Variants in QSOX1 observed in about 807,000 individuals in gnomAD.
QSOX1 encodes the protein sulfhydryl oxidase 1.
A neutral mutation model predicts 76.1 loss-of-function variants in QSOX1; 40 were observed. The observed-to-expected ratio is 0.53, with a 90% confidence interval of 0.41 to 0.68. The LOEUF (loss-of-function observed/expected upper bound fraction) is 0.68. QSOX1 is among the 30% of genes least tolerant of loss of function. The pLI is 0.00. For synonymous variants in QSOX1, 392 were observed against 413.1 expected, an observed-to-expected ratio of 0.95 and a Z score of 0.62; for missense variants, 931 against 974.3, an observed-to-expected ratio of 0.96 and a Z score of 0.59.
chr1:180,193,514 G>A (rs898608447), intron 10 of QSOX1, among the ~76,000 whole-genome samples: 6 of 152,048 alleles, frequency 3.9e-5, no homozygotes, highest in East Asian at 1.9e-4. Context: ...GGAGGTTTGC[G>A]GTAGGAAGGA....
rs1663281574 is a variant in QSOX1 at position 180,190,504 on chromosome 1, C to T, written c.1212C>T (p.Pro404=). ...GTGAGCCGCATTTCCGGGGCTTTCC[C>T]TGCTCCCTGTGGGTCCTCTTCCACT... is the stretch of plus-strand genomic sequence containing the variant. ...QGSEPHFRGF[P]CSLWVLFHFL... The change falls in exon 10 of 12, where the codon CCC becomes CCT. Residue 404 remains proline, a synonymous_variant. Transcript: ENST00000367602. 6.2e-7 allele frequency: 1 copy of T among 1,614,186 alleles called. No homozygotes were observed. Among genetic ancestry groups the T allele is most frequent in the Non-Finnish European group, 8.5e-7 (1 of 1,180,012 alleles).
chr1:180,167,712 G>A (rs562325832), intron 2 of QSOX1, among the ~76,000 whole-genome samples: 2 of 152,344 alleles, frequency 1.3e-5, no homozygotes, highest in East Asian at 3.9e-4. Flanking sequence ...GTTTAGCTGA[G>A]ACCAGGTTGG....
intron 1 of QSOX1, among the ~76,000 whole-genome samples, chr1:180,158,482 T>G (rs1662420074): frequency 6.6e-6 from 1 of 152,046 alleles, no homozygotes; most frequent in African/African-American, 2.4e-5. Context: ...CTTCTGCTGG[T>G]GCCGTGGATC....
intron 1 of QSOX1, 25 bp from the exon 2 acceptor site, chr1:180,166,465 TA>T: frequency 6.2e-7 from 1 of 1,601,346 alleles, no homozygotes. Context: ...CCCTCTTATT[TA>T]CCCCTGGGTT....
At chr1:180,164,840 G>A (rs73038424) in intron 1 of QSOX1, among the ~76,000 whole-genome samples, 4,609 of 152,248 alleles carry the variant, frequency 0.03, 111 homozygotes, top group Middle Eastern at 0.085. Flanking sequence ...GGTTCTGGAG[G>A]CTGTACACAG....
At chr1:180,167,995 T>G (rs563843731) in intron 2 of QSOX1, among the ~76,000 whole-genome samples, 104 of 152,338 alleles carry the variant, frequency 6.8e-4, no homozygotes, top group Middle Eastern at 3.4e-3. Context: ...CCAGTGAGCA[T>G]GAGCCGCAGG....
chr1:180,178,524 G>A (rs909395588), intron 4 of QSOX1, among the ~76,000 whole-genome samples: 4 of 152,198 alleles, frequency 2.6e-5, no homozygotes, highest in Non-Finnish European at 4.4e-5. Context: ...CACCGCACCC[G>A]GCCCACTCCT....
At chr1:180,181,366 A>C (rs1003656652) in intron 5 of QSOX1, among the ~76,000 whole-genome samples, 3 of 152,128 alleles carry the variant, frequency 2.0e-5, no homozygotes, top group Non-Finnish European at 2.9e-5. Flanking sequence ...TCCCATTTCT[A>C]ATGTGGGGAC....
chr1:180,179,489 G>A (rs1342712428), intron 5 of QSOX1, among the ~76,000 whole-genome samples: 1 of 152,244 alleles, frequency 6.6e-6, no homozygotes, highest in East Asian at 1.9e-4. Flanking sequence ...TGTTGGGAAG[G>A]TCAAATGCAG....
At chr1:180,165,065 A>G (rs1453419380) in intron 1 of QSOX1, among the ~76,000 whole-genome samples, 1 of 152,216 alleles carries the variant, frequency 6.6e-6, no homozygotes, top group Non-Finnish European at 1.5e-5. Context: ...TTCACTACCT[A>G]ATCTAATACC....
Position 180,194,271 on chromosome 1 carries a change from C to G in QSOX1, c.1347C>G (p.Cys449Trp), listed in dbSNP as rs539884178. Reference protein sequence around the residue: ...IRGYVHYFFGCRDCASHFEQM... With the variant: ...IRGYVHYFFGWRDCASHFEQM... ...GCTACGTGCACTACTTCTTCGGCTG[C>G]CGAGACTGCGCTAGCCACTTCGAGC... Residue 449 changes from cysteine (C) to tryptophan (W), a missense_variant, in exon 11 of 12, where the codon TGC becomes TGG. Transcript: ENST00000367602. The G allele has an allele frequency of 6.2e-7, 1 of 1,613,208 alleles. No individual in the cohort carries two copies. The highest frequency in any genetic ancestry group is 1.1e-5 in the South Asian group (1 of 91,014).
intron 1 of QSOX1, among the ~76,000 whole-genome samples, chr1:180,155,740 A>T (rs539552644): frequency 6.6e-5 from 10 of 152,266 alleles, no homozygotes; most frequent in Admixed American, 5.9e-4. Context: ...GGGTATGTCC[A>T]CCTGGCAGTT....
chr1:180,189,822 C>T, intron 9 of QSOX1, 148 bp downstream of exon 9: 3 of 844,450 alleles, frequency 3.6e-6, no homozygotes, highest in Non-Finnish European at 5.3e-6. Context: ...CAATAAATGA[C>T]TATTGATTGA....
At chr1:180,190,040 T>A (rs1174797035) in intron 9 of QSOX1, among the ~76,000 whole-genome samples, 1 of 152,224 alleles carries the variant, frequency 6.6e-6, no homozygotes, top group Non-Finnish European at 1.5e-5. Flanking sequence ...TAGTTTGTGG[T>A]GCTGCTCAGC....
At chr1:180,159,892 T>TAGGTGAGAGTTACTA (rs763395945) in intron 1 of QSOX1, among the ~76,000 whole-genome samples, 23 of 152,218 alleles carry the variant, frequency 1.5e-4, no homozygotes, top group Non-Finnish European at 2.6e-4. Flanking sequence ...GGTTCTCACC[T>TAGGTGAGAGTTACTA]AGGTGAGAGT....
chr1:180,155,753 C>A (rs186785318), intron 1 of QSOX1, among the ~76,000 whole-genome samples: 60 of 152,338 alleles, frequency 3.9e-4, no homozygotes, highest in Admixed American at 2.9e-3. Flanking sequence ...TGGCAGTTTT[C>A]CTATCTCTGT....
intron 1 of QSOX1, among the ~76,000 whole-genome samples, chr1:180,159,717 C>T (rs1662451640): frequency 6.6e-6 from 1 of 152,170 alleles, no homozygotes; most frequent in Non-Finnish European, 1.5e-5. Flanking sequence ...CTCACTCTCT[C>T]CTGATCTTGG....
At chr1:180,155,290 C>G (rs766156793) in intron 1 of QSOX1, 118 bp downstream of exon 1, 18 of 970,504 alleles carry the variant, frequency 1.9e-5, no homozygotes, top group Non-Finnish European at 2.6e-5. Context: ...CCGCCCACCT[C>G]TTCCTCTCCG....
At chr1:180,175,257 G>A (rs964019089) in intron 2 of QSOX1, 64 bp from the exon 3 acceptor site, 2 of 1,485,072 alleles carry the variant, frequency 1.3e-6, no homozygotes, top group East Asian at 2.3e-5. Context: ...TTCAGAGCAG[G>A]CCTGCGTGGC....
Sources: gnomAD v4.1 joint callset for allele counts (sites outside exome capture counted in the v4.1 genomes callset) on GRCh38, gnomAD v4.1.1 for gene constraint, MANE v1.5 for transcripts, NCBI Gene and HGNC (gene_info 2026-07-23, HGNC 2026-07-21) for gene names.